TBCD: variants seen among roughly 807,000 people sequenced by gnomAD.
The protein encoded by TBCD is tubulin folding cofactor D, also known as tubulin-specific chaperone D.
In TBCD, 105 loss-of-function variants were observed where a neutral mutation model predicts 169.3. The observed-to-expected ratio is 0.62, with a 90% CI of 0.53 to 0.73. The LOEUF is 0.73. Ranked by LOEUF, TBCD falls within the 30% of genes least tolerant of loss-of-function variation. The pLI, the probability that TBCD is intolerant of heterozygous loss-of-function variation, is 0.00. For missense variants in TBCD, 1,444 were observed against 1,600.1 expected, an observed-to-expected ratio of 0.90 and a Z score of 1.66; for synonymous variants, 700 against 643.9, an observed-to-expected ratio of 1.09 and a Z score of -1.32.
intron 6 of TBCD, among the ~76,000 whole-genome samples, 176 bp from the exon 7 acceptor site, chr17:82,781,413 T>C (rs1395745146): frequency 1.3e-5 from 2 of 150,214 alleles, no homozygotes; most frequent in Admixed American, 1.3e-4. Context: ...GTTTCTAGGG[T>C]TGGAGAGAGG....
chr17:82,862,302 G>C (rs2056837607), intron 13 of TBCD, among the ~76,000 whole-genome samples: 1 of 151,922 alleles, frequency 6.6e-6, no homozygotes, highest in Non-Finnish European at 1.5e-5. Context: ...TATGCAGGGG[G>C]GCTGCATAAT....
intron 13 of TBCD, among the ~76,000 whole-genome samples, chr17:82,868,105 A>G (rs563380729): frequency 6.6e-6 from 1 of 152,204 alleles, no homozygotes; most frequent in Non-Finnish European, 1.5e-5. Flanking sequence ...GGTCCTGTAG[A>G]GGCGTGGCTG....
rs187706750 is a variant in TBCD, at chr17:82,880,930, G to A, written c.1476-3215G>A. On this transcript the variant is annotated intron_variant, in intron 14 of 38. Coordinates refer to ENST00000355528, the MANE Select transcript of TBCD (RefSeq NM_005993.5). This position sits in a 1 kb window ranked among gnomAD's most constrained non-coding sequence, Gnocchi z 5.0. ...TTGGATGGCTCCAGGCGGAACTCGG[G>A]GAAGGAGGCCGTGTACTCCCATAGC... Among the ~76,000 whole-genome samples, 984 of 147,202 alleles carry A rather than the reference G, an allele frequency of 6.7e-3. 6 individuals carry two copies. Among genetic ancestry groups the A allele is most frequent in the Non-Finnish European group, 8.7e-3 (569 of 65,248 alleles).
chr17:82,889,549 C>A lies in TBCD; in HGVS notation c.1534-119C>A. Reference sequence around the variant, plus strand: ...GGCTCTGTTCAGCCAACAATGAGGGCTTTTATTTAAAAAATAAAGCCGTGG... The same window carrying A: ...GGCTCTGTTCAGCCAACAATGAGGGATTTTATTTAAAAAATAAAGCCGTGG... On this transcript the variant is annotated intron_variant, in intron 15 of 38. Coordinates refer to ENST00000355528, the MANE Select transcript of TBCD (RefSeq NM_005993.5). The surrounding 1 kb of genome is among the most constrained non-coding windows in gnomAD (Gnocchi z 5.3). 8.1e-7 allele frequency: 1 copy of A among 1,234,940 alleles called. No homozygotes were observed. Among genetic ancestry groups the A allele is most frequent in the Middle Eastern group, 2.6e-4 (1 of 3,852 alleles). 76.5% of individuals were successfully genotyped at this position (1,234,940 alleles called of 1,614,324 possible).
intron 35 of TBCD, 129 bp from the exon 36 acceptor site, chr17:82,937,920 C>T: frequency 2.6e-6 from 4 of 1,534,810 alleles, no homozygotes; most frequent in Non-Finnish European, 3.5e-6. Context: ...CGGCTTGGGG[C>T]CCCAGGCCCG....
At chr17:82,937,243 A>C in intron 34 of TBCD, 28 bp from the exon 35 acceptor site, 1 of 1,609,172 alleles carries the variant, frequency 6.2e-7, no homozygotes, top group Non-Finnish European at 8.5e-7. Context: ...GTGAAAGCTC[A>C]TCTCTAAAGT....
chr17:82,817,031 ATTG>A (rs780989727), intron 13 of TBCD, among the ~76,000 whole-genome samples: 2 of 152,130 alleles, frequency 1.3e-5, no homozygotes, highest in Non-Finnish European at 2.9e-5. Context: ...TATTTTTTTA[ATTG>A]TTGTTGTAAG....
intron 13 of TBCD, chr17:82,830,193 C>T: frequency 6.2e-7 from 1 of 1,614,262 alleles, no homozygotes; most frequent in Non-Finnish European, 8.5e-7. Context: ...CCGTGTCCTG[C>T]AGCTTCGCCT....
chr17:82,792,357 G>GCGCACA (rs1555684059), intron 7 of TBCD, among the ~76,000 whole-genome samples: 17 of 145,666 alleles, frequency 1.2e-4, no homozygotes, highest in African/African-American at 4.2e-4. Flanking sequence ...ATACATGTGT[G>GCGCACA]CACACACACA....
At chr17:82,847,401 G>A (rs936186341) in intron 13 of TBCD, among the ~76,000 whole-genome samples, 1 of 150,072 alleles carries the variant, frequency 6.7e-6, no homozygotes, top group African/African-American at 2.5e-5. Flanking sequence ...GAGAACATCA[G>A]TGGGGTTTTA....
intron 9 of TBCD, among the ~76,000 whole-genome samples, chr17:82,801,870 CGT>C (rs1363494701): frequency 2.2e-5 from 3 of 136,470 alleles, no homozygotes; most frequent in Admixed American, 7.4e-5. Context: ...AGGAGGGCGT[CGT>C]GTGCGTCGTG....
At chr17:82,867,577 G>C (rs975048544) in intron 13 of TBCD, among the ~76,000 whole-genome samples, 1 of 152,238 alleles carries the variant, frequency 6.6e-6, no homozygotes, top group Admixed American at 6.5e-5. Flanking sequence ...AGTGCGAGAA[G>C]GCTCAGAGTG....
At chr17:82,927,466 A>G in intron 29 of TBCD, 143 bp downstream of exon 29, 1 of 1,212,608 alleles carries the variant, frequency 8.2e-7, no homozygotes, top group South Asian at 1.6e-5. Context: ...GGGGAAGATG[A>G]CCTGTTCTCT....
chr17:82,932,622 T>C lies in TBCD; in HGVS notation c.3114-36T>C, dbSNP rs555667812. The C allele has an allele frequency of 3.1e-6, 5 of 1,595,066 alleles. No homozygotes were observed. In the African/African-American group the frequency reaches 6.7e-5, roughly 21 times the overall value. ...TCAGGGAGTTGGGCGTCCTTGTTGC[T>C]GGTGTCCAGGGTCTCACAGCTCCTT... On this transcript the variant is annotated intron_variant, in intron 33 of 38. Coordinates refer to ENST00000355528, the MANE Select transcript of TBCD (RefSeq NM_005993.5).
intron 15 of TBCD, among the ~76,000 whole-genome samples, chr17:82,885,229 C>A (rs2058639674): frequency 6.6e-6 from 1 of 152,078 alleles, no homozygotes; most frequent in Non-Finnish European, 1.5e-5. Context: ...GGTGCTGGGA[C>A]CGGTGATGGT....
At chr17:82,769,042 ATTAG>A (rs1052719995) in intron 5 of TBCD, among the ~76,000 whole-genome samples, 3 of 152,222 alleles carry the variant, frequency 2.0e-5, no homozygotes, top group Non-Finnish European at 4.4e-5. Context: ...AGCTTATTGT[ATTAG>A]TTATCTATTG....
At position 82,893,586 on chromosome 17, in the gene TBCD, G is replaced by T; in HGVS notation, c.1603G>T (p.Asp535Tyr). 6.2e-7 allele frequency: 1 copy of T among 1,612,266 alleles called. No homozygotes were observed. Among genetic ancestry groups the T allele is most frequent in the Admixed American group, 1.7e-5 (1 of 59,766 alleles). ...TGGTATTGATATTTTGACCACAGCT[G>T]ACTATTTTGCCGTCGGTAACAGATC... ...PHGIDILTTA[D>Y]YFAVGNRSNC... Residue 535 changes from aspartate to tyrosine, a missense_variant, in exon 17 of 39, where the codon GAC becomes TAC. Coordinates refer to ENST00000355528, the MANE Select transcript of TBCD (RefSeq NM_005993.5).
chr17:82,887,168 T>TGTGTGTGCGCGCGCGCGCGC, intron 15 of TBCD, among the ~76,000 whole-genome samples: 79 of 126,168 alleles, frequency 6.3e-4, no homozygotes, highest in South Asian at 1.5e-3. Context: ...TGTGTGTGTG[T>TGTGTGTGCGCGCGCGCGCGC]GCGCGCGCGC....
chr17:82,898,733 C>A (rs1457970501), intron 17 of TBCD, among the ~76,000 whole-genome samples: 1 of 152,152 alleles, frequency 6.6e-6, no homozygotes, highest in African/African-American at 2.4e-5. Context: ...TCTTCTGTGG[C>A]TCTGGGTTTC....
Sources: allele counts gnomAD v4.1 joint callset (sites outside exome capture counted in the v4.1 genomes callset), GRCh38; gene constraint gnomAD v4.1.1; non-coding constraint Gnocchi (gnomAD v3.1); transcripts MANE v1.5; gene names NCBI Gene and HGNC (gene_info 2026-07-23, HGNC 2026-07-21).